DISC1: variants seen among roughly 807,000 people sequenced by gnomAD.
The protein encoded by DISC1 is disrupted in schizophrenia 1 protein.
In DISC1, 57 loss-of-function variants were observed where a neutral mutation model predicts 84.5. The observed-to-expected ratio is 0.67, with a 90% CI of 0.55 to 0.84. The LOEUF (loss-of-function observed/expected upper bound fraction) is 0.84, where lower values mean the gene tolerates loss of function less well. Ranked by LOEUF, DISC1 falls within the 40% of genes least tolerant of loss-of-function variation. DISC1 has a pLI of 0.00. For missense variants in DISC1, 1,000 were observed against 1,057.8 expected (o/e 0.95, Z 0.76); for synonymous variants, 411 against 415.2 (o/e 0.99, Z 0.12).
intron 1 of DISC1, among the ~76,000 whole-genome samples, chr1:231,633,851 G>A (rs193201949): frequency 1.3e-5 from 2 of 151,506 alleles, no homozygotes; most frequent in African/African-American, 4.8e-5. Context: ...TGACATGTAC[G>A]CCTACCTAAC....
At chr1:231,644,365 A>G (rs12084975) in intron 1 of DISC1, among the ~76,000 whole-genome samples, 10,056 of 152,198 alleles carry the variant, frequency 0.066, 344 homozygotes, top group African/African-American at 0.096. Flanking sequence ...CTTTACTGCT[A>G]GGGCTAGCAG....
At chr1:231,997,479 G>C (rs1033304447) in intron 10 of DISC1, among the ~76,000 whole-genome samples, 1 of 152,158 alleles carries the variant, frequency 6.6e-6, no homozygotes, top group Non-Finnish European at 1.5e-5. Flanking sequence ...AGATGACAGC[G>C]TGGAGGGGGC....
Position 231,890,075 on chromosome 1 carries a change from G to A in DISC1, c.1982-68753G>A, listed in dbSNP as rs1036273386. 2.8e-4 allele frequency among the ~76,000 whole-genome samples: 42 copies of A among 152,318 alleles called. 1 individual carries two copies. Among genetic ancestry groups the A allele is most frequent in the Admixed American group, 3.3e-4 (5 of 15,302 alleles). On this transcript the variant is annotated intron_variant, in intron 9 of 12. Transcript: ENST00000439617. Reference sequence around the variant, plus strand: ...AATGGCTTCTCCTAGACTCCAGAATGTGCTTAGAGAGTGTTTTTCTCTTTG... The same window carrying A: ...AATGGCTTCTCCTAGACTCCAGAATATGCTTAGAGAGTGTTTTTCTCTTTG...
chr1:231,860,692 C>A (rs2084579616), intron 9 of DISC1, among the ~76,000 whole-genome samples: 1 of 152,146 alleles, frequency 6.6e-6, no homozygotes, highest in Non-Finnish European at 1.5e-5. Flanking sequence ...TCTTTTCTAT[C>A]TTCAGACTTA....
chr1:231,781,074 G>A (rs2077384046), intron 6 of DISC1, among the ~76,000 whole-genome samples: 1 of 150,540 alleles, frequency 6.6e-6, no homozygotes, highest in Non-Finnish European at 1.5e-5. Context: ...GACGGTTAGT[G>A]GGTTCAGCGC....
intron 3 of DISC1, among the ~76,000 whole-genome samples, chr1:231,736,418 TAA>T (rs2072503061): frequency 6.6e-6 from 1 of 152,250 alleles, no homozygotes; most frequent in South Asian, 2.1e-4. Context: ...GTAAATTACT[TAA>T]AGTTTCTGAA....
intron 9 of DISC1, among the ~76,000 whole-genome samples, chr1:231,896,632 T>C (rs2087711377): frequency 6.6e-6 from 1 of 152,206 alleles, no homozygotes; most frequent in African/African-American, 2.4e-5. Flanking sequence ...ATAGATGTTG[T>C]ATAAGTGGCT....
At position 231,753,166 on chromosome 1, in the gene DISC1, T is replaced by C. The variant is rs375525090; in HGVS notation, c.1268+3090T>C. Among the ~76,000 whole-genome samples, 3 of 152,356 alleles carry C rather than the reference T, an allele frequency of 2.0e-5. No homozygotes were observed. In the East Asian group the frequency reaches 5.8e-4, roughly 29 times the overall value. ...CACTAGGCAGTGCCCCAGTGGGGACTCTGTGTGGGGTTCCAACTCCACATT... is the reference window on the plus strand; with the variant it reads ...CACTAGGCAGTGCCCCAGTGGGGACCCTGTGTGGGGTTCCAACTCCACATT... On this transcript the variant is annotated intron_variant, in intron 4 of 12. Transcript: ENST00000439617.
intron 11 of DISC1, among the ~76,000 whole-genome samples, chr1:232,014,226 C>T (rs1668279550): frequency 6.6e-6 from 1 of 152,112 alleles, no homozygotes; most frequent in Admixed American, 6.5e-5. Context: ...AGATCTGATT[C>T]TTTCTCTTCT....
At chr1:231,846,228 G>A (rs2083440396) in intron 9 of DISC1, among the ~76,000 whole-genome samples, 1 of 152,134 alleles carries the variant, frequency 6.6e-6, no homozygotes, top group African/African-American at 2.4e-5. Flanking sequence ...AGAGGAGGAG[G>A]CAGCTTTCAG....
chr1:231,927,431 A>T (rs2090416673), intron 9 of DISC1, among the ~76,000 whole-genome samples: 1 of 152,138 alleles, frequency 6.6e-6, no homozygotes, highest in Non-Finnish European at 1.5e-5. Flanking sequence ...GACCTTTATC[A>T]TGTTCTGGTA....
rs367850054 is a variant in DISC1 at position 231,881,663 on chromosome 1, C to T, written c.1981+63146C>T. Among the ~76,000 whole-genome samples, 53 of 152,250 alleles carry T rather than the reference C, an allele frequency of 3.5e-4. No individual in the cohort carries two copies. The South Asian group carries it at 7.7e-3, about 22-fold the overall frequency. Reference sequence around the variant, plus strand: ...TCCCAGCCAGGGTCCCGCTTCAAGACGAGCACTTCCTCTTCCTTCACCATG... The same window carrying T: ...TCCCAGCCAGGGTCCCGCTTCAAGATGAGCACTTCCTCTTCCTTCACCATG... On this transcript the variant is annotated intron_variant, in intron 9 of 12. Coordinates refer to ENST00000439617, the MANE Select transcript of DISC1 (RefSeq NM_018662.3).
At chr1:231,794,466 C>T (rs185941181) in intron 6 of DISC1, among the ~76,000 whole-genome samples, 90 of 152,192 alleles carry the variant, frequency 5.9e-4, no homozygotes, top group African/African-American at 2.1e-3. Flanking sequence ...TATATTATAG[C>T]GAATTGCATG....
rs755341751 is a variant in DISC1, at chr1:232,026,563, C to T, written c.2425+11C>T. The stretch of plus-strand genomic sequence containing the variant: ...ATGAAGATCTCATTCATATCCTTTT[C>T]ATCTTGCAGATGAAGCAAGGCAAAG... On this transcript the variant is annotated intron_variant, in intron 12 of 12. Coordinates refer to ENST00000439617, the MANE Select transcript of DISC1 (RefSeq NM_018662.3). 6.3e-7 allele frequency: 1 copy of T among 1,578,144 alleles called. No homozygotes were observed. The highest frequency in any genetic ancestry group is 8.7e-7 in the Non-Finnish European group (1 of 1,155,822).
At chr1:231,893,678 G>C (rs1409312725) in intron 9 of DISC1, among the ~76,000 whole-genome samples, 1 of 152,122 alleles carries the variant, frequency 6.6e-6, no homozygotes, top group Non-Finnish European at 1.5e-5. Context: ...AAGGAAGATA[G>C]ATAGGAAGAC....
At chr1:231,731,570 C>T (rs942827366) in intron 3 of DISC1, among the ~76,000 whole-genome samples, 1 of 152,096 alleles carries the variant, frequency 6.6e-6, no homozygotes, top group Non-Finnish European at 1.5e-5. Context: ...GTCTGAGCCC[C>T]ACCTCCTACC....
chr1:231,827,693 T>A lies in DISC1; in HGVS notation c.1981+9176T>A, dbSNP rs145904712. ...TGCCCTGACTGCTTTGAGGAGCTAG[T>A]GTTTGCTGCCCTGGGCCCTTAGTCC... On this transcript the variant is annotated intron_variant, in intron 9 of 12. Coordinates refer to ENST00000439617, the MANE Select transcript of DISC1 (RefSeq NM_018662.3). 1.5e-3 allele frequency among the ~76,000 whole-genome samples: 225 copies of A among 152,304 alleles called. 3 individuals are homozygous for A. Among genetic ancestry groups the A allele is most frequent in the African/African-American group, 5.1e-3 (212 of 41,560 alleles).
At chr1:231,726,765 C>T (rs146076757) in intron 3 of DISC1, among the ~76,000 whole-genome samples, 275 of 152,294 alleles carry the variant, frequency 1.8e-3, no homozygotes, top group Middle Eastern at 6.8e-3. Context: ...CTTAACTGCT[C>T]TGTCTTAATT....
In DISC1 at chr1:231,835,911, C is replaced by T. The variant is rs532764070; in HGVS notation, c.1981+17394C>T. Among the ~76,000 whole-genome samples the T allele has an allele frequency of 4.1e-4, 63 of 152,202 alleles. No homozygotes were observed. The South Asian group carries it at 9.6e-3, about 23-fold the overall frequency. On this transcript the variant is annotated intron_variant, in intron 9 of 12. Transcript: ENST00000439617. ...AAATGATGTACTAAACAACATAGAC[C>T]GATCTTTCTGAGTAAAAACATTCTA...
Sources: allele counts gnomAD v4.1 joint callset (sites outside exome capture counted in the v4.1 genomes callset), GRCh38; gene constraint gnomAD v4.1.1; transcripts MANE v1.5; gene names NCBI Gene and HGNC (gene_info 2026-07-23, HGNC 2026-07-21).